SHROOM3: variants seen among roughly 807,000 people sequenced by gnomAD.
The protein encoded by SHROOM3 is shroom family member 3.
Under a neutral mutation model 138.6 loss-of-function variants are expected in SHROOM3, and 47 were observed. That is an observed-to-expected ratio of 0.34 (90% CI 0.27 to 0.43). SHROOM3 has a LOEUF of 0.43. Among genes scored for constraint, SHROOM3 ranks in the 20% least tolerant of loss-of-function variants. SHROOM3 has a pLI of 1.00. For missense variants in SHROOM3, 2,491 were observed against 2,596.5 expected, an observed-to-expected ratio of 0.96 and a Z score of 0.88; for synonymous variants, 1,062 against 1,063.3, an observed-to-expected ratio of 1.00 and a Z score of 0.02.
chr4:76,535,767 T>A (rs1732940220), intron 1 of SHROOM3, among the ~76,000 whole-genome samples: 1 of 152,196 alleles, frequency 6.6e-6, no homozygotes, highest in Non-Finnish European at 1.5e-5. Context: ...GCCACAACCA[T>A]TTTATTGGAA....
intron 2 of SHROOM3, among the ~76,000 whole-genome samples, chr4:76,579,970 T>G (rs999026135): frequency 6.6e-6 from 1 of 152,208 alleles, no homozygotes; most frequent in African/African-American, 2.4e-5. Context: ...GCTGACTGCT[T>G]GTTTGTACGT....
At chr4:76,750,355 C>T (rs1373091002) in intron 6 of SHROOM3, among the ~76,000 whole-genome samples, 1 of 152,142 alleles carries the variant, frequency 6.6e-6, no homozygotes, top group African/African-American at 2.4e-5. Context: ...AGATCATGTC[C>T]TTTGCAGCAA....
intron 1 of SHROOM3, among the ~76,000 whole-genome samples, chr4:76,493,489 G>GC (rs1731898928): frequency 6.6e-6 from 1 of 152,116 alleles, no homozygotes; most frequent in Non-Finnish European, 1.5e-5. Flanking sequence ...GAGCTGCAGA[G>GC]GATTCTTAGG....
At chr4:76,721,969 A>C (rs1248768985) in intron 3 of SHROOM3, among the ~76,000 whole-genome samples, 1 of 152,134 alleles carries the variant, frequency 6.6e-6, no homozygotes, top group East Asian at 1.9e-4. Flanking sequence ...ACATTTATAT[A>C]TGTTTAAAAT....
intron 1 of SHROOM3, among the ~76,000 whole-genome samples, chr4:76,521,802 C>T (rs1478244376): frequency 6.6e-6 from 1 of 152,102 alleles, no homozygotes; most frequent in Non-Finnish European, 1.5e-5. Context: ...TTCACAGGCC[C>T]ATTAAGTACT....
Position 76,436,046 on chromosome 4 carries a change from G to GT in SHROOM3, c.-4dup, listed in dbSNP as rs769823119. ...TTAAATTTAACTTGAGGGATCATGT[G>GT]TTTGGCATGATGAGGACCACTGAAG... is the stretch of plus-strand genomic sequence containing the variant. On this transcript the variant is annotated 5_prime_UTR_variant, in exon 1 of 11. Coordinates refer to ENST00000296043, the MANE Select transcript of SHROOM3 (RefSeq NM_020859.4). 1 of 1,613,656 alleles carries GT rather than the reference G, an allele frequency of 6.2e-7. No individual in the cohort carries two copies. The highest frequency in any genetic ancestry group is 8.5e-7 in the Non-Finnish European group (1 of 1,179,772).
At chr4:76,697,573 T>C (rs907446350) in intron 2 of SHROOM3, among the ~76,000 whole-genome samples, 1 of 152,134 alleles carries the variant, frequency 6.6e-6, no homozygotes, top group African/African-American at 2.4e-5. Flanking sequence ...TTATAATAGG[T>C]TGGGTCCAAG....
chr4:76,739,652 T>C lies in SHROOM3; in HGVS notation c.1479T>C (p.Pro493=). The C allele has an allele frequency of 6.2e-7, 1 of 1,614,134 alleles. No homozygotes were observed. The highest frequency in any genetic ancestry group is 8.5e-7 in the Non-Finnish European group (1 of 1,180,022). Residue 493 remains proline, a synonymous_variant, in exon 5 of 11, where the codon CCT becomes CCC. Transcript: ENST00000296043. ...TGAGTAGCAACGGTATGCTCTACCC[T>C]GCACTGGCCAAGGAGAGTGGATACA... ...PSVSSNGMLY[P]ALAKESGYIA... is the part of the protein sequence containing the mutation.
chr4:76,583,081 G>T (rs1734082211), intron 2 of SHROOM3, among the ~76,000 whole-genome samples: 1 of 152,222 alleles, frequency 6.6e-6, no homozygotes, highest in Non-Finnish European at 1.5e-5. Flanking sequence ...ATGCTCTCTA[G>T]AACTCAGATG....
chr4:76,599,295 G>A (rs1012357463), intron 2 of SHROOM3, among the ~76,000 whole-genome samples: 1 of 152,140 alleles, frequency 6.6e-6, no homozygotes, highest in African/African-American at 2.4e-5. Flanking sequence ...AAAACACCTT[G>A]ATCCTTAGTT....
intron 2 of SHROOM3, among the ~76,000 whole-genome samples, chr4:76,623,390 C>T (rs1352198186): frequency 6.6e-6 from 1 of 152,142 alleles, no homozygotes; most frequent in Non-Finnish European, 1.5e-5. Flanking sequence ...GGAAACATTA[C>T]CTTGTAGAGC....
intron 1 of SHROOM3, among the ~76,000 whole-genome samples, chr4:76,473,864 G>A (rs903477067): frequency 1.3e-5 from 2 of 152,180 alleles, no homozygotes; most frequent in Non-Finnish European, 2.9e-5. Flanking sequence ...CACATTGCTG[G>A]TGTGAATGTA....
chr4:76,752,123 A>T (rs888617951), intron 6 of SHROOM3, among the ~76,000 whole-genome samples: 19 of 152,242 alleles, frequency 1.2e-4, no homozygotes, highest in Admixed American at 6.5e-4. Context: ...CATACAATGG[A>T]ATATTACTCA....
intron 2 of SHROOM3, among the ~76,000 whole-genome samples, chr4:76,589,464 T>A (rs1277291705): frequency 5.4e-5 from 7 of 129,198 alleles, no homozygotes; most frequent in African/African-American, 2.1e-4. Flanking sequence ...TGAAACTCTG[T>A]CTCATAAAAA....
chr4:76,736,876 C>A (rs896320273), intron 4 of SHROOM3, among the ~76,000 whole-genome samples: 1 of 152,194 alleles, frequency 6.6e-6, no homozygotes, highest in African/African-American at 2.4e-5. Flanking sequence ...TCAGCAACCC[C>A]CACCAGAGTA....
rs1211425460 is a variant in SHROOM3, at chr4:76,780,010, T to C, written c.*833T>C. 1 of 152,244 alleles carries C rather than the reference T, an allele frequency of 6.6e-6. No homozygotes were observed. The highest frequency in any genetic ancestry group is 2.4e-5 in the African/African-American group (1 of 41,446). 9.4% of individuals were successfully genotyped at this position (152,244 alleles called of 1,614,324 possible). On this transcript the variant is annotated 3_prime_UTR_variant, in exon 11 of 11. Transcript: ENST00000296043. ...GGTGGGGAAACAAAGCTAAATTTTA[T>C]TAACAAAGACAACTCTCAGACCTAT...
intron 2 of SHROOM3, among the ~76,000 whole-genome samples, chr4:76,648,888 A>G (rs1350151167): frequency 1.3e-5 from 2 of 152,196 alleles, no homozygotes. Context: ...GGGGAGCTGT[A>G]TAGGAGAGTA....
chr4:76,778,750 G>C, intron 10 of SHROOM3, 59 bp from the exon 11 acceptor site: 1 of 1,610,378 alleles, frequency 6.2e-7, no homozygotes, highest in Non-Finnish European at 8.5e-7. Context: ...CTTGCAGGGA[G>C]TCTGGCTCTT....
intron 2 of SHROOM3, among the ~76,000 whole-genome samples, chr4:76,633,528 C>T (rs1478495698): frequency 6.6e-6 from 1 of 150,810 alleles, no homozygotes; most frequent in Non-Finnish European, 1.5e-5. Context: ...TGGTGGCGGG[C>T]GCCTGTAAGT....
Sources: allele counts gnomAD v4.1 joint callset (sites outside exome capture counted in the v4.1 genomes callset), GRCh38; gene constraint gnomAD v4.1.1; transcripts MANE v1.5; gene names NCBI Gene and HGNC (gene_info 2026-07-23, HGNC 2026-07-21).